The following SLC12A2 variants were observed in gnomAD, a reference collection of about 807,000 sequenced individuals.
SLC12A2 encodes solute carrier family 12 member 2, also known as Na-K-2Cl cotransporter 1.
SLC12A2 carries 67 observed loss-of-function variants against 136.3 expected under a neutral mutation model. The observed-to-expected ratio is 0.49, with a 90% CI of 0.40 to 0.60. SLC12A2 has a LOEUF of 0.60. Among genes scored for constraint, SLC12A2 ranks in the 20% least tolerant of loss-of-function variants. The pLI is 0.00. For missense variants in SLC12A2, 1,322 were observed against 1,534.7 expected, an observed-to-expected ratio of 0.86 and a Z score of 2.32; for synonymous variants, 619 against 562.9, an observed-to-expected ratio of 1.10 and a Z score of -1.41.
Position 128,186,523 on chromosome 5 carries a change from T to C in SLC12A2, c.3531T>C (p.Ala1177=). The change falls in exon 27 of 27, where the codon GCT becomes GCC. Residue 1177 remains alanine (A), a synonymous_variant. Coordinates refer to ENST00000262461, the MANE Select transcript of SLC12A2 (RefSeq NM_001046.3). ...VMSLPVARKG[A]VSSALYMAWL... ...GTCTCCCAGTTGCACGAAAAGGTGC[T>C]GTGTCTAGTGCTCTCTACATGGCAT... The C allele has an allele frequency of 6.2e-7, 1 of 1,613,020 alleles. No individual in the cohort carries two copies. Among genetic ancestry groups the C allele is most frequent in the South Asian group, 1.1e-5 (1 of 90,808 alleles).
In SLC12A2 at chr5:128,188,208, A is replaced by C. The variant is rs1232200651; in HGVS notation, c.*1577A>C. ...CAATTTTCCAGTTCAAAAATGGAGA[A>C]TACTTCGCCTAAAATACTGTTAAGT... On this transcript the variant is annotated 3_prime_UTR_variant, in exon 27 of 27. Transcript: ENST00000262461. The C allele has an allele frequency of 4.6e-5, 7 of 152,010 alleles. No homozygotes were observed. The highest frequency in any genetic ancestry group is 1.2e-4 in the African/African-American group (5 of 41,390). The allele number at this position is 152,010 out of a possible 1,614,324, so 9.4% of individuals were successfully genotyped here.
At chr5:128,153,423 C>CGG in intron 15 of SLC12A2, among the ~76,000 whole-genome samples, 1 of 152,090 alleles carries the variant, frequency 6.6e-6, no homozygotes, top group East Asian at 1.9e-4. Context: ...GGCGTAGTGG[C>CGG]GCATGCCTGT....
At chr5:128,090,530 C>G (rs1204046164) in intron 1 of SLC12A2, among the ~76,000 whole-genome samples, 3 of 152,146 alleles carry the variant, frequency 2.0e-5, no homozygotes, top group Admixed American at 6.5e-5. Flanking sequence ...CAACACTGTT[C>G]TAAATGCTGG....
At chr5:128,184,686 C>G (rs184809498) in intron 25 of SLC12A2, 103 bp from the exon 26 acceptor site, 10 of 1,560,892 alleles carry the variant, frequency 6.4e-6, no homozygotes, top group Middle Eastern at 1.7e-4. Flanking sequence ...TTTTATTACA[C>G]GAAAATTCAT....
chr5:128,117,498 G>T (rs1398572801), intron 4 of SLC12A2, among the ~76,000 whole-genome samples: 1 of 152,164 alleles, frequency 6.6e-6, no homozygotes, highest in African/African-American at 2.4e-5. Context: ...TAACCAAGAA[G>T]TCGATGAGAT....
At chr5:128,158,291 T>C in intron 16 of SLC12A2, 127 bp downstream of exon 16, 3 of 695,492 alleles carry the variant, frequency 4.3e-6, no homozygotes, top group Non-Finnish European at 7.1e-6. Flanking sequence ...ACAGATTGTT[T>C]TGTCACCCAG....
chr5:128,153,941 A>G (rs568781840), intron 15 of SLC12A2, among the ~76,000 whole-genome samples: 1 of 152,018 alleles, frequency 6.6e-6, no homozygotes, highest in Non-Finnish European at 1.5e-5. Flanking sequence ...TCACTTCAGC[A>G]TATTTTGGAT....
chr5:128,158,378 G>A (rs2126730687), intron 16 of SLC12A2, among the ~76,000 whole-genome samples: 1 of 152,106 alleles, frequency 6.6e-6, no homozygotes, highest in African/African-American at 2.4e-5. Context: ...GTAGGCCTCA[G>A]TGTCTGTGGT....
intron 1 of SLC12A2, among the ~76,000 whole-genome samples, chr5:128,098,394 A>G (rs1561654996): frequency 6.6e-6 from 1 of 151,688 alleles, no homozygotes; most frequent in Non-Finnish European, 1.5e-5. Context: ...TTTGTTTAAC[A>G]TATTTATTGC....
chr5:128,141,537 A>G (rs1181157408), intron 9 of SLC12A2, among the ~76,000 whole-genome samples: 1 of 152,196 alleles, frequency 6.6e-6, no homozygotes, highest in African/African-American at 2.4e-5. Flanking sequence ...CAAATAGGCT[A>G]GGAAATAGTT....
chr5:128,127,356 T>C (rs1402923183), intron 4 of SLC12A2, among the ~76,000 whole-genome samples: 1 of 151,842 alleles, frequency 6.6e-6, no homozygotes, highest in African/African-American at 2.4e-5. Context: ...CTCCTGACCT[T>C]GTGATCCACC....
chr5:128,119,074 C>T (rs528485362), intron 4 of SLC12A2, among the ~76,000 whole-genome samples: 2 of 151,402 alleles, frequency 1.3e-5, no homozygotes, highest in East Asian at 2.0e-4. Flanking sequence ...CTTGGTGGTA[C>T]CAAGAATCCC....
In SLC12A2 at chr5:128,189,097, C is replaced by T. The variant is rs1216682324; in HGVS notation, c.*2466C>T. On this transcript the variant is annotated 3_prime_UTR_variant, in exon 27 of 27. Transcript: ENST00000262461. ...GTGAAATAATGTAAGAAGCTTTTCACTTAAAAAAAATGCATTACTTTCACT... is the reference window on the plus strand; with the variant it reads ...GTGAAATAATGTAAGAAGCTTTTCATTTAAAAAAAATGCATTACTTTCACT... The T allele has an allele frequency of 1.3e-5, 2 of 152,044 alleles. No individual in the cohort carries two copies. Among genetic ancestry groups the T allele is most frequent in the Non-Finnish European group, 2.9e-5 (2 of 67,926 alleles). 9.4% of individuals were successfully genotyped at this position (152,044 alleles called of 1,614,324 possible). A position where few individuals can be genotyped will look rare whatever the true frequency, so the allele number is the denominator to read the frequency against.
At chr5:128,117,146 T>C (rs181800993) in intron 4 of SLC12A2, among the ~76,000 whole-genome samples, 13 of 152,134 alleles carry the variant, frequency 8.5e-5, no homozygotes, top group Non-Finnish European at 1.8e-4. Flanking sequence ...CAACGGACTT[T>C]AGAGAAAAAA....
At chr5:128,123,526 A>G (rs1761667536) in intron 4 of SLC12A2, among the ~76,000 whole-genome samples, 1 of 152,008 alleles carries the variant, frequency 6.6e-6, no homozygotes. Flanking sequence ...TCATTCTAGT[A>G]TGTGCGTAGT....
intron 4 of SLC12A2, among the ~76,000 whole-genome samples, chr5:128,122,088 G>A (rs1391479065): frequency 2.0e-5 from 3 of 152,158 alleles, no homozygotes; most frequent in African/African-American, 7.2e-5. Flanking sequence ...TATGAACTGA[G>A]CAATACAAAG....
In SLC12A2 at chr5:128,116,394, A is replaced by AAT. The variant is rs60538639; in HGVS notation, c.1048+1736_1048+1737dup. On this transcript the variant is annotated intron_variant, in intron 4 of 26. Transcript: ENST00000262461. ...ATACCATTGGTAGTGTGTATATATA[A>AAT]ATATATATATATATATATATATATC... 0.013 allele frequency among the ~76,000 whole-genome samples: 1,925 copies of AAT among 144,234 alleles called. 54 individuals are homozygous for AAT. In the East Asian group the frequency reaches 0.14, roughly 10 times the overall value. 94.6% of individuals were successfully genotyped at this position (144,234 alleles called of 152,430 possible).
At chr5:128,172,347 T>G (rs1457889312) in intron 19 of SLC12A2, among the ~76,000 whole-genome samples, 1 of 148,908 alleles carries the variant, frequency 6.7e-6, no homozygotes, top group East Asian at 2.0e-4. Context: ...AAATTGACAT[T>G]AGAACAATCC....
intron 12 of SLC12A2, among the ~76,000 whole-genome samples, 166 bp from the exon 13 acceptor site, chr5:128,149,831 G>A (rs1270186338): frequency 6.6e-6 from 1 of 151,890 alleles, no homozygotes; most frequent in Non-Finnish European, 1.5e-5. Flanking sequence ...CTGGATTTCT[G>A]AAAAGTAAAG....
Sources: gnomAD v4.1 joint callset for allele counts (sites outside exome capture counted in the v4.1 genomes callset) on GRCh38, gnomAD v4.1.1 for gene constraint, MANE v1.5 for transcripts, NCBI Gene and HGNC (gene_info 2026-07-23, HGNC 2026-07-21) for gene names.